Variants in CPA6 observed in about 807,000 individuals in gnomAD.
The protein encoded by CPA6 is carboxypeptidase B.
A neutral mutation model predicts 63.3 loss-of-function variants in CPA6; 58 were observed. That is an observed-to-expected ratio of 0.92 (90% CI 0.74 to 1.14). CPA6 has a LOEUF of 1.14. Among genes scored for constraint, CPA6 ranks in the 50% most tolerant of loss-of-function variants. The pLI, the probability that CPA6 is intolerant of heterozygous loss-of-function variation, is 0.00. For synonymous variants in CPA6, 185 were observed against 179.0 expected (o/e 1.03, Z -0.27); for missense variants, 565 against 526.6 (o/e 1.07, Z -0.71).
At chr8:67,538,746 G>A (rs1812642886) in intron 2 of CPA6, among the ~76,000 whole-genome samples, 3 of 150,302 alleles carry the variant, frequency 2.0e-5, no homozygotes, top group South Asian at 2.1e-4. Flanking sequence ...TGCAAGCACC[G>A]CCTCTCAGGT....
intron 2 of CPA6, among the ~76,000 whole-genome samples, chr8:67,577,532 GTAAGAAAGATGGC>G (rs1354182590): frequency 3.9e-5 from 6 of 152,058 alleles, no homozygotes; most frequent in African/African-American, 9.7e-5. Context: ...TCTTCGAAGC[GTAAGAAAGATGGC>G]TAATTTTTTG....
At chr8:67,494,469 G>A (rs1503363) in intron 6 of CPA6, among the ~76,000 whole-genome samples, 74,941 of 151,950 alleles carry the variant, frequency 0.49, 21,595 homozygotes, top group African/African-American at 0.82. Context: ...AGTGCTATGC[G>A]TAACTCTGGG....
intron 2 of CPA6, among the ~76,000 whole-genome samples, chr8:67,554,682 G>A (rs1169760608): frequency 6.6e-6 from 1 of 152,216 alleles, no homozygotes; most frequent in Non-Finnish European, 1.5e-5. Context: ...CTCAGTCTGA[G>A]CTCAAGGCCT....
At chr8:67,582,656 A>G (rs999965212) in intron 2 of CPA6, among the ~76,000 whole-genome samples, 26 of 152,208 alleles carry the variant, frequency 1.7e-4, no homozygotes, top group Admixed American at 1.6e-3. Flanking sequence ...TCGATGAATG[A>G]ATGACTAATA....
At chr8:67,712,908 G>A (rs918921138) in intron 1 of CPA6, among the ~76,000 whole-genome samples, 10 of 151,336 alleles carry the variant, frequency 6.6e-5, no homozygotes, top group Non-Finnish European at 1.0e-4. Context: ...TGGTTATTAG[G>A]TCCACTGTAT....
chr8:67,498,293 T>G (rs1040132706), intron 6 of CPA6, among the ~76,000 whole-genome samples: 3 of 152,038 alleles, frequency 2.0e-5, no homozygotes, highest in Non-Finnish European at 4.4e-5. Flanking sequence ...CCCAGCACTT[T>G]GAGAGGCTGA....
chr8:67,556,173 G>A (rs1039241551), intron 2 of CPA6, among the ~76,000 whole-genome samples: 2 of 152,204 alleles, frequency 1.3e-5, no homozygotes, highest in Non-Finnish European at 2.9e-5. Context: ...ATTAGTTAAG[G>A]TTCAGGTGAT....
chr8:67,711,393 T>G (rs895295445), intron 1 of CPA6, among the ~76,000 whole-genome samples: 8 of 152,164 alleles, frequency 5.3e-5, no homozygotes, highest in Non-Finnish European at 8.8e-5. Flanking sequence ...AAATATCAGA[T>G]TTATCAGGGT....
At chr8:67,735,486 T>C (rs1195031937) in intron 1 of CPA6, 1 of 152,198 alleles carries the variant, frequency 6.6e-6, no homozygotes, top group Non-Finnish European at 1.5e-5. Context: ...ATGCTTTCAG[T>C]CTTTTACTTA....
intron 2 of CPA6, among the ~76,000 whole-genome samples, chr8:67,520,103 T>C (rs1812230104): frequency 6.6e-6 from 1 of 152,186 alleles, no homozygotes; most frequent in Non-Finnish European, 1.5e-5. Context: ...AGGCAGATTT[T>C]TTTATATTAA....
chr8:67,531,297 A>C (rs1412331141), intron 2 of CPA6, among the ~76,000 whole-genome samples: 1 of 152,180 alleles, frequency 6.6e-6, no homozygotes, highest in African/African-American at 2.4e-5. Flanking sequence ...CACAGTAAAT[A>C]AACAGGGATT....
intron 2 of CPA6, among the ~76,000 whole-genome samples, chr8:67,607,242 T>TC (rs1564021474): frequency 2.6e-4 from 23 of 89,674 alleles, no homozygotes; most frequent in African/African-American, 4.3e-4. Context: ...TTCTTCTTCT[T>TC]CTTCTTCTTC....
At chr8:67,529,418 T>C (rs972259423) in intron 2 of CPA6, among the ~76,000 whole-genome samples, 5 of 152,088 alleles carry the variant, frequency 3.3e-5, no homozygotes, top group Non-Finnish European at 7.4e-5. Context: ...CTACACAGGC[T>C]CAGGAATCAG....
chr8:67,453,064 T>C (rs192253083), intron 8 of CPA6, among the ~76,000 whole-genome samples: 52 of 152,216 alleles, frequency 3.4e-4, no homozygotes, highest in Admixed American at 2.0e-3. Context: ...ATCTGACTTA[T>C]ATTTTAAAAG....
At chr8:67,566,723 A>G (rs1813345556) in intron 2 of CPA6, among the ~76,000 whole-genome samples, 1 of 152,230 alleles carries the variant, frequency 6.6e-6, no homozygotes, top group South Asian at 2.1e-4. Flanking sequence ...CTAGATCAGT[A>G]TGCCAGTTCA....
chr8:67,551,420 G>GTTT (rs769041824), intron 2 of CPA6, among the ~76,000 whole-genome samples: 2 of 152,196 alleles, frequency 1.3e-5, no homozygotes, highest in Non-Finnish European at 2.9e-5. Flanking sequence ...TTTGGCCACA[G>GTTT]TAGCCTTATA....
intron 2 of CPA6, among the ~76,000 whole-genome samples, chr8:67,600,559 A>G (rs72657243): frequency 0.099 from 15,148 of 152,248 alleles, 857 homozygotes; most frequent in Middle Eastern, 0.18. Context: ...CACATATGTT[A>G]ATTAGCTTAA....
chr8:67,438,721 GTATAA>G (rs1810219362), intron 8 of CPA6, among the ~76,000 whole-genome samples: 1 of 152,084 alleles, frequency 6.6e-6, no homozygotes, highest in South Asian at 2.1e-4. Flanking sequence ...GGGGGGCGAA[GTATAA>G]TGATCCAGGT....
intron 2 of CPA6, among the ~76,000 whole-genome samples, chr8:67,576,038 T>C (rs1315523499): frequency 6.6e-6 from 1 of 152,196 alleles, no homozygotes; most frequent in East Asian, 1.9e-4. Context: ...GGCTGAAGTT[T>C]GGAGGAATGG....
Sources: gnomAD v4.1 joint callset for allele counts (sites outside exome capture counted in the v4.1 genomes callset) on GRCh38, gnomAD v4.1.1 for gene constraint, MANE v1.5 for transcripts, NCBI Gene and HGNC (gene_info 2026-07-23, HGNC 2026-07-21) for gene names.